Variants in MACROD2 observed in about 807,000 individuals in gnomAD.
MACROD2 encodes the protein mono-ADP ribosylhydrolase 2, also known as ADP-ribose glycohydrolase MACROD2.
MACROD2 carries 36 observed loss-of-function variants against 70.4 expected under a neutral mutation model. That is an observed-to-expected ratio of 0.51 (90% confidence interval 0.39 to 0.68). MACROD2 has a LOEUF of 0.68. Among genes scored for constraint, MACROD2 ranks in the 30% least tolerant of loss-of-function variants. The pLI is 0.00. For synonymous variants in MACROD2, 172 were observed against 178.8 expected, an observed-to-expected ratio of 0.96 and a Z score of 0.30; for missense variants, 496 against 538.4, an observed-to-expected ratio of 0.92 and a Z score of 0.78.
At chr20:15,082,876 A>C (rs1344924706) in intron 5 of MACROD2, among the ~76,000 whole-genome samples, 1 of 152,262 alleles carries the variant, frequency 6.6e-6, no homozygotes, top group South Asian at 2.1e-4. Flanking sequence ...CCAAATGCCA[A>C]AGGGTAAAAA....
At chr20:15,141,468 C>T (rs576937928) in intron 5 of MACROD2, among the ~76,000 whole-genome samples, 13 of 152,272 alleles carry the variant, frequency 8.5e-5, no homozygotes, top group South Asian at 2.1e-4. Flanking sequence ...AGTGATCTGG[C>T]TCCATAACTG....
intron 8 of MACROD2, among the ~76,000 whole-genome samples, chr20:15,860,434 A>G (rs1057133211): frequency 4.6e-5 from 7 of 152,136 alleles, no homozygotes; most frequent in Non-Finnish European, 8.8e-5. Context: ...GCCTGGGGGA[A>G]AAAAGTCAAC....
intron 5 of MACROD2, among the ~76,000 whole-genome samples, chr20:15,028,399 T>C (rs1487721870): frequency 1.3e-5 from 2 of 152,172 alleles, no homozygotes; most frequent in Non-Finnish European, 2.9e-5. Flanking sequence ...CCAAATCTAC[T>C]GAATTAGCGA....
chr20:15,288,754 C>T (rs2077514294), intron 6 of MACROD2, among the ~76,000 whole-genome samples: 2 of 152,070 alleles, frequency 1.3e-5, no homozygotes, highest in African/African-American at 4.8e-5. Context: ...TACTGACTTC[C>T]CTGGTTCTCT....
intron 3 of MACROD2, among the ~76,000 whole-genome samples, chr20:14,220,983 A>G (rs1204434029): frequency 6.6e-6 from 1 of 152,162 alleles, no homozygotes; most frequent in Admixed American, 6.5e-5. Context: ...TCACAGTGCG[A>G]GGTGCCGCCC....
chr20:15,590,971 G>GAA (rs971344290), intron 8 of MACROD2, among the ~76,000 whole-genome samples: 2 of 150,986 alleles, frequency 1.3e-5, no homozygotes, highest in Non-Finnish European at 3.0e-5. Flanking sequence ...AAGAAAGAAA[G>GAA]AAAGAAAGAA....
chr20:15,034,733 A>G (rs945261856), intron 5 of MACROD2, among the ~76,000 whole-genome samples: 1 of 152,222 alleles, frequency 6.6e-6, no homozygotes, highest in Non-Finnish European at 1.5e-5. Flanking sequence ...AGTATTCTGC[A>G]TGGTATTTTA....
chr20:15,587,859 G>T (rs1233717639), intron 8 of MACROD2, among the ~76,000 whole-genome samples: 1 of 152,200 alleles, frequency 6.6e-6, no homozygotes, highest in Non-Finnish European at 1.5e-5. Flanking sequence ...GGCTAGTGTT[G>T]AGTGTCTGCA....
intron 5 of MACROD2, among the ~76,000 whole-genome samples, chr20:14,943,548 T>G (rs1462182958): frequency 6.6e-6 from 1 of 152,168 alleles, no homozygotes; most frequent in African/African-American, 2.4e-5. Context: ...TTTGTCAAGA[T>G]GTATTTTATT....
chr20:14,382,677 T>TATAAATAA lies in MACROD2; in HGVS notation c.272-110784_272-110777dup, dbSNP rs746201530. The stretch of plus-strand genomic sequence containing the variant: ...GAGCAAAACTCCGTCTCAAAAAAGA[T>TATAAATAA]ATAAATAAATAAATAAATAAATAAA... On this transcript the variant is annotated intron_variant, in intron 3 of 17. Coordinates refer to ENST00000684519, the MANE Select transcript of MACROD2 (RefSeq NM_001351661.2). Among the ~76,000 whole-genome samples the TATAAATAA allele has an allele frequency of 1.9e-4, 16 of 82,600 alleles. No individual in the cohort carries two copies. The South Asian group carries it at 0.01, about 53-fold the overall frequency. The allele number at this position is 82,600 out of a possible 152,430, so 54.2% of individuals were successfully genotyped here.
At chr20:14,639,565 G>A (rs1175482787) in intron 4 of MACROD2, among the ~76,000 whole-genome samples, 1 of 152,134 alleles carries the variant, frequency 6.6e-6, no homozygotes, top group African/African-American at 2.4e-5. Context: ...ATTGCCGTCA[G>A]GATACACATA....
At chr20:15,982,645 A>G (rs1467396690) in intron 13 of MACROD2, among the ~76,000 whole-genome samples, 1 of 152,164 alleles carries the variant, frequency 6.6e-6, no homozygotes, top group Non-Finnish European at 1.5e-5. Flanking sequence ...TACACAGTTT[A>G]TGTTAAACTG....
chr20:15,378,390 A>G (rs964517216), intron 6 of MACROD2, among the ~76,000 whole-genome samples: 83 of 152,104 alleles, frequency 5.5e-4, no homozygotes, highest in African/African-American at 1.9e-3. Flanking sequence ...CTGTGCTGGA[A>G]TGGTGGGGGA....
At chr20:14,478,328 G>A (rs754829613) in intron 3 of MACROD2, among the ~76,000 whole-genome samples, 1 of 152,108 alleles carries the variant, frequency 6.6e-6, no homozygotes, top group Non-Finnish European at 1.5e-5. Flanking sequence ...CCAGGGAAGG[G>A]GCATGATCTA....
chr20:15,028,106 G>C (rs1391338647), intron 5 of MACROD2, among the ~76,000 whole-genome samples: 2 of 152,210 alleles, frequency 1.3e-5, no homozygotes, highest in South Asian at 2.1e-4. Flanking sequence ...CCTAGCAAAA[G>C]GGAGGCTAAG....
intron 8 of MACROD2, among the ~76,000 whole-genome samples, chr20:15,827,613 C>T (rs1023318300): frequency 6.6e-6 from 1 of 152,128 alleles, no homozygotes; most frequent in Non-Finnish European, 1.5e-5. Context: ...CGTTGCCTTT[C>T]CCTCTTTTGT....
At chr20:15,431,479 G>A (rs1209527963) in intron 7 of MACROD2, 44 bp downstream of exon 7, 1 of 1,550,828 alleles carries the variant, frequency 6.4e-7, no homozygotes, top group South Asian at 1.1e-5. Context: ...TCTTTATTTT[G>A]CTGTTAAATG....
At chr20:15,878,962 C>T (rs1412000040) in intron 9 of MACROD2, among the ~76,000 whole-genome samples, 1 of 152,036 alleles carries the variant, frequency 6.6e-6, no homozygotes, top group Non-Finnish European at 1.5e-5. Flanking sequence ...ACAGGGTAAT[C>T]TAACACAGGA....
intron 5 of MACROD2, among the ~76,000 whole-genome samples, chr20:15,180,385 C>A (rs371713159): frequency 6.6e-6 from 1 of 152,162 alleles, no homozygotes; most frequent in Non-Finnish European, 1.5e-5. Flanking sequence ...AATTATGGTG[C>A]CTGTGCACCC....
Sources: allele counts gnomAD v4.1 joint callset (sites outside exome capture counted in the v4.1 genomes callset), GRCh38; gene constraint gnomAD v4.1.1; transcripts MANE v1.5; gene names NCBI Gene and HGNC (gene_info 2026-07-23, HGNC 2026-07-21).